LHPP: variants seen among roughly 807,000 people sequenced by gnomAD.
LHPP encodes phospholysine phosphohistidine inorganic pyrophosphate phosphatase, also known as hLHPP.
A neutral mutation model predicts 30.3 loss-of-function variants in LHPP; 24 were observed. The ratio of observed to expected loss-of-function variants is 0.79; its 90% CI spans 0.57 to 1.11. The LOEUF (loss-of-function observed/expected upper bound fraction) is 1.11. LHPP is among the 50% of genes most tolerant of loss of function. The pLI is 0.00. For synonymous variants in LHPP, 150 were observed against 157.1 expected, an observed-to-expected ratio of 0.95 and a Z score of 0.34; for missense variants, 356 against 367.2, an observed-to-expected ratio of 0.97 and a Z score of 0.25.
intron 1 of LHPP, among the ~76,000 whole-genome samples, chr10:124,463,231 T>A (rs578222072): frequency 0.073 from 10,920 of 148,704 alleles, 559 homozygotes; most frequent in Non-Finnish European, 0.11. Context: ...CTTTTTTTTT[T>A]AACTTTTGTT....
chr10:124,490,292 G>A (rs557823052), intron 3 of LHPP: 13 of 211,308 alleles, frequency 6.2e-5, no homozygotes, highest in East Asian at 6.0e-4. Flanking sequence ...TCTCCAGACC[G>A]CTGTGGCATG....
chr10:124,530,850 GC>G (rs1384358663), intron 6 of LHPP, among the ~76,000 whole-genome samples: 1 of 152,222 alleles, frequency 6.6e-6, no homozygotes, highest in Non-Finnish European at 1.5e-5. Context: ...GTCTCCTGCA[GC>G]CCTGGATTCC....
chr10:124,521,686 G>A (rs1251931835), intron 6 of LHPP, among the ~76,000 whole-genome samples: 4 of 152,296 alleles, frequency 2.6e-5, no homozygotes, highest in East Asian at 1.9e-4. Flanking sequence ...GGCAGCATGG[G>A]GAGGCCGTCC....
chr10:124,506,964 GCGGGTA>G, intron 5 of LHPP, among the ~76,000 whole-genome samples: 1 of 30,778 alleles, frequency 3.2e-5, no homozygotes, highest in Admixed American at 3.8e-4. Context: ...TTTCAGGTGG[GCGGGTA>G]GACAGGATTT....
chr10:124,569,937 T>C (rs1324758992), intron 6 of LHPP, among the ~76,000 whole-genome samples: 1 of 152,098 alleles, frequency 6.6e-6, no homozygotes, highest in African/African-American at 2.4e-5. Flanking sequence ...ACCCAGAAGT[T>C]TCCCCGTGCC....
chr10:124,498,660 C>CTTTTTTTTTTTT (rs552228070), intron 5 of LHPP: 123 of 354,330 alleles, frequency 3.5e-4, no homozygotes, highest in East Asian at 8.8e-4. Context: ...TTTTCTTTTT[C>CTTTTTTTTTTTT]TTTTTTTTTT....
intron 6 of LHPP, among the ~76,000 whole-genome samples, chr10:124,608,836 G>A (rs2134019717): frequency 6.6e-6 from 1 of 152,320 alleles, no homozygotes; most frequent in Non-Finnish European, 1.5e-5. Context: ...CAGCCTCAAG[G>A]GGACCTTGGA....
intron 6 of LHPP, among the ~76,000 whole-genome samples, chr10:124,533,396 AG>A (rs1201853538): frequency 5.3e-5 from 8 of 152,060 alleles, no homozygotes. Flanking sequence ...GTCACCCAAA[AG>A]TTTGTGTCCT....
intron 6 of LHPP, among the ~76,000 whole-genome samples, chr10:124,542,837 G>T (rs1287094581): frequency 6.6e-6 from 1 of 152,200 alleles, no homozygotes; most frequent in African/African-American, 2.4e-5. Context: ...GGACGCGCCT[G>T]CCTGCCTTTC....
chr10:124,610,064 A>C (rs1417608321), intron 6 of LHPP, among the ~76,000 whole-genome samples: 1 of 152,196 alleles, frequency 6.6e-6, no homozygotes, highest in African/African-American at 2.4e-5. Context: ...GCAGTTTTCC[A>C]ATGTGGCCCG....
intron 2 of LHPP, among the ~76,000 whole-genome samples, chr10:124,486,704 T>G (rs1953337696): frequency 6.6e-6 from 1 of 152,224 alleles, no homozygotes; most frequent in Admixed American, 6.5e-5. Flanking sequence ...GTGACTGACT[T>G]TAGCGACTCA....
At chr10:124,530,531 C>T (rs200008328) in intron 6 of LHPP, among the ~76,000 whole-genome samples, 1 of 842 alleles carries the variant, frequency 1.2e-3, no homozygotes, top group African/African-American at 4.5e-3. Context: ...AGTGCATGCA[C>T]ACACACACAC....
chr10:124,589,112 T>C (rs1948845083), intron 6 of LHPP, among the ~76,000 whole-genome samples: 2 of 152,236 alleles, frequency 1.3e-5, no homozygotes, highest in Admixed American at 6.5e-5. Context: ...CCAATGCTTC[T>C]GCCGGGACTC....
At chr10:124,524,275 A>AT (rs59957047) in intron 6 of LHPP, among the ~76,000 whole-genome samples, 1,437 of 126,162 alleles carry the variant, frequency 0.011, 16 homozygotes, top group African/African-American at 0.022. Flanking sequence ...TTTTGTTTTC[A>AT]TTTTTTTTTT....
intron 6 of LHPP, among the ~76,000 whole-genome samples, chr10:124,545,223 C>T (rs1013799515): frequency 2.0e-5 from 3 of 152,174 alleles, no homozygotes; most frequent in East Asian, 1.9e-4. Flanking sequence ...GCCGGGGCCT[C>T]GGCTGAGTCC....
Position 124,613,447 on chromosome 10 carries a change from C to T in LHPP, c.*87C>T. 2 of 903,246 alleles carry T rather than the reference C, an allele frequency of 2.2e-6. No homozygotes were observed. The highest frequency in any genetic ancestry group is 2.9e-5 in the South Asian group (2 of 69,188). 56.0% of individuals were successfully genotyped at this position (903,246 alleles called of 1,614,324 possible). ...CCACCCCTGCCTCTCCTCCACCCGC[C>T]CAGGAGAGCCCCACCTCCTCCACCC... On this transcript the variant is annotated 3_prime_UTR_variant, in exon 7 of 7. Transcript: ENST00000368842.
chr10:124,558,043 G>A (rs1308700419), intron 6 of LHPP, among the ~76,000 whole-genome samples: 3 of 152,140 alleles, frequency 2.0e-5, no homozygotes, highest in Admixed American at 1.3e-4. Flanking sequence ...TGGCTTTCCT[G>A]TCCATCTGCC....
intron 6 of LHPP, among the ~76,000 whole-genome samples, chr10:124,529,632 A>T (rs1464556194): frequency 3.9e-5 from 6 of 152,142 alleles, no homozygotes; most frequent in African/African-American, 1.4e-4. Flanking sequence ...CAGGGGCTCC[A>T]TGACTGTAGA....
chr10:124,567,379 G>A (rs979513147), intron 6 of LHPP, among the ~76,000 whole-genome samples: 4 of 152,220 alleles, frequency 2.6e-5, no homozygotes, highest in Non-Finnish European at 4.4e-5. Context: ...CCGCTCAGCC[G>A]CTGCCTGCCC....
Sources: gnomAD v4.1 joint callset for allele counts (sites outside exome capture counted in the v4.1 genomes callset) on GRCh38, gnomAD v4.1.1 for gene constraint, MANE v1.5 for transcripts, NCBI Gene and HGNC (gene_info 2026-07-23, HGNC 2026-07-21) for gene names.